The following CLDN10 variants were observed in gnomAD, a reference collection of about 807,000 sequenced individuals.
CLDN10 encodes the protein claudin-10.
Under a neutral mutation model 22.9 loss-of-function variants are expected in CLDN10, and 15 were observed. The observed-to-expected ratio is 0.65, with a 90% confidence interval of 0.44 to 1.01. The LOEUF (loss-of-function observed/expected upper bound fraction) is 1.01. Ranked by LOEUF, CLDN10 falls within the 50% of genes least tolerant of loss-of-function variation. CLDN10 has a pLI of 0.00. For missense variants in CLDN10, 247 were observed against 287.8 expected (o/e 0.86, Z 1.03); for synonymous variants, 114 against 111.4 (o/e 1.02, Z -0.15).
chr13:95,463,721 A>G (rs895514901), intron 1 of CLDN10, among the ~76,000 whole-genome samples: 1 of 152,120 alleles, frequency 6.6e-6, no homozygotes, highest in Non-Finnish European at 1.5e-5. Flanking sequence ...AACTGAAGGA[A>G]GTTCACTCTC....
At chr13:95,539,395 A>G (rs1266280275) in intron 1 of CLDN10, among the ~76,000 whole-genome samples, 1 of 152,244 alleles carries the variant, frequency 6.6e-6, no homozygotes, top group Non-Finnish European at 1.5e-5. Flanking sequence ...GTGGGAATAC[A>G]GTATTGTTTC....
At chr13:95,455,086 A>C (rs7332670) in intron 1 of CLDN10, among the ~76,000 whole-genome samples, 2 of 151,784 alleles carry the variant, frequency 1.3e-5, no homozygotes, top group African/African-American at 4.8e-5. Flanking sequence ...CTGAGGTGGG[A>C]GGACTGCTTA....
intron 1 of CLDN10, among the ~76,000 whole-genome samples, chr13:95,503,826 G>A (rs2043010228): frequency 6.6e-6 from 1 of 152,190 alleles, no homozygotes; most frequent in Non-Finnish European, 1.5e-5. Flanking sequence ...GGCTGCTAGG[G>A]AGAAGGGGGA....
chr13:95,523,319 T>C lies in CLDN10; in HGVS notation c.215-36813T>C, dbSNP rs565435444. ...AAAATCTCAGAACACTTTAATTTCA[T>C]TTACTCTCAGCTTGACCTATATGCA... On this transcript the variant is annotated intron_variant, in intron 1 of 4. Transcript: ENST00000376873. 2.2e-4 allele frequency among the ~76,000 whole-genome samples: 34 copies of C among 152,302 alleles called. No homozygotes were observed. In the East Asian group the frequency reaches 6.4e-3, roughly 29 times the overall value.
At chr13:95,494,310 C>T (rs2042905592) in intron 1 of CLDN10, among the ~76,000 whole-genome samples, 1 of 152,164 alleles carries the variant, frequency 6.6e-6, no homozygotes, top group Admixed American at 6.6e-5. Flanking sequence ...TTTGCTAAAT[C>T]CAGTTGGTAT....
intron 1 of CLDN10, among the ~76,000 whole-genome samples, chr13:95,513,169 C>T (rs144609935): frequency 6.6e-6 from 1 of 152,354 alleles, no homozygotes; most frequent in East Asian, 1.9e-4. Context: ...CATGAGCCAA[C>T]ATGCCCAGTC....
chr13:95,517,011 C>CT (rs1248680687), intron 1 of CLDN10, among the ~76,000 whole-genome samples: 2 of 146,534 alleles, frequency 1.4e-5, no homozygotes, highest in African/African-American at 2.5e-5. Context: ...TCCTTCCTTC[C>CT]TTCCTTCCTT....
chr13:95,498,185 C>G (rs922159252), intron 1 of CLDN10, among the ~76,000 whole-genome samples: 2 of 152,262 alleles, frequency 1.3e-5, no homozygotes, highest in East Asian at 3.9e-4. Flanking sequence ...CCAGGCAGCC[C>G]TCATCTCCCA....
At chr13:95,440,423 C>T (rs1310158715) in intron 1 of CLDN10, among the ~76,000 whole-genome samples, 1 of 152,096 alleles carries the variant, frequency 6.6e-6, no homozygotes, top group East Asian at 1.9e-4. Context: ...TGCTTATAGT[C>T]CCAGCACTTG....
Position 95,476,899 on chromosome 13 carries a change from A to C in CLDN10, c.214+42852A>C, listed in dbSNP as rs369207519. 1.1e-3 allele frequency among the ~76,000 whole-genome samples: 169 copies of C among 152,240 alleles called. 6 individuals are homozygous for C. The South Asian group carries it at 0.029, about 27-fold the overall frequency. ...ACATTTGTTCACTTATTCATTCAACAGTCACTGATTGTGCTCTTTTCTGTG... is the reference window on the plus strand; with the variant it reads ...ACATTTGTTCACTTATTCATTCAACCGTCACTGATTGTGCTCTTTTCTGTG... On this transcript the variant is annotated intron_variant, in intron 1 of 4. Transcript: ENST00000376873.
Position 95,560,695 on chromosome 13 carries a change from A to G in CLDN10, c.464+232A>G, listed in dbSNP as rs527392614. Reference sequence around the variant, plus strand: ...TGTCTCGAAACAGTTCAAGGCATCAAATTTAGAACTATAAACTTCATCGTT... The same window carrying G: ...TGTCTCGAAACAGTTCAAGGCATCAGATTTAGAACTATAAACTTCATCGTT... On this transcript the variant is annotated intron_variant, in intron 3 of 4. Transcript: ENST00000299339. The G allele has an allele frequency of 9.3e-5, 47 of 507,706 alleles. No homozygotes were observed. The East Asian group carries it at 1.6e-3, about 17-fold the overall frequency. 31.5% of individuals were successfully genotyped at this position (507,706 alleles called of 1,614,324 possible).
intron 1 of CLDN10, among the ~76,000 whole-genome samples, chr13:95,513,069 G>A (rs1465941852): frequency 6.6e-6 from 1 of 152,046 alleles, no homozygotes; most frequent in Non-Finnish European, 1.5e-5. Flanking sequence ...GGAGCACAGA[G>A]TCTTACTATA....
intron 1 of CLDN10, chr13:95,434,193 T>C: frequency 1.5e-6 from 1 of 671,454 alleles, no homozygotes; most frequent in African/African-American, 1.8e-5. Context: ...AAGGATGGGG[T>C]GTATGAGTAT....
intron 1 of CLDN10, among the ~76,000 whole-genome samples, chr13:95,504,350 G>T (rs2043015725): frequency 6.6e-6 from 1 of 152,118 alleles, no homozygotes; most frequent in Non-Finnish European, 1.5e-5. Context: ...AATATGAGAT[G>T]ACATTTACAT....
At chr13:95,472,853 C>T (rs1215128333) in intron 1 of CLDN10, among the ~76,000 whole-genome samples, 1 of 151,576 alleles carries the variant, frequency 6.6e-6, no homozygotes, top group Non-Finnish European at 1.5e-5. Context: ...GAATCAGGTG[C>T]TCTCTGTCCT....
At chr13:95,530,093 A>G (rs1211376697) in intron 1 of CLDN10, among the ~76,000 whole-genome samples, 2 of 151,866 alleles carry the variant, frequency 1.3e-5, no homozygotes, top group Non-Finnish European at 2.9e-5. Flanking sequence ...CCAACCAGAA[A>G]GTGTGTGATT....
At chr13:95,548,895 C>G (rs1308224138), upstream of CLDN10, among the ~76,000 whole-genome samples, 1 of 152,192 alleles carries the variant, frequency 6.6e-6, no homozygotes, top group African/African-American at 2.4e-5. Flanking sequence ...AAAGGCACAC[C>G]TGCGTTGCTT....
intron 1 of CLDN10, among the ~76,000 whole-genome samples, chr13:95,477,723 TAGAG>T (rs1462596985): frequency 1.3e-5 from 2 of 152,124 alleles, no homozygotes; most frequent in South Asian, 2.1e-4. Flanking sequence ...ACCTGGGACT[TAGAG>T]AGGCAGCGTC....
intron 1 of CLDN10, among the ~76,000 whole-genome samples, chr13:95,502,876 C>T (rs113813630): frequency 5.3e-4 from 80 of 152,288 alleles, no homozygotes; most frequent in African/African-American, 1.9e-3. Flanking sequence ...TATGCTCACT[C>T]AGTAAAAAGG....
Sources: gnomAD v4.1 joint callset for allele counts (sites outside exome capture counted in the v4.1 genomes callset) on GRCh38, gnomAD v4.1.1 for gene constraint, MANE v1.5 for transcripts, NCBI Gene and HGNC (gene_info 2026-07-23, HGNC 2026-07-21) for gene names.